The following RSRP1 variants were observed in gnomAD, a reference collection of about 807,000 sequenced individuals.
RSRP1 encodes arginine/serine-rich protein 1.
Under a neutral mutation model 33.0 loss-of-function variants are expected in RSRP1, and 37 were observed. That is an observed-to-expected ratio of 1.12 (90% CI 0.86 to 1.48). The LOEUF (loss-of-function observed/expected upper bound fraction) is 1.48. RSRP1 is among the 40% of genes most tolerant of loss of function. RSRP1 has a pLI of 0.00. For missense variants in RSRP1, 402 were observed against 385.3 expected (o/e 1.04, Z -0.36); for synonymous variants, 167 against 158.7 (o/e 1.05, Z -0.40).
At chr1:25,318,413 C>T (rs1288892086) in intron 1 of RSRP1, 1 of 131,540 alleles carries the variant, frequency 7.6e-6, no homozygotes, top group Non-Finnish European at 1.8e-5. Flanking sequence ...CATGGCAAAA[C>T]CCTGTCTCTA....
In RSRP1 at chr1:25,331,643, C is replaced by G. The variant is rs1451626584; in HGVS notation, c.-67+6335G>C. 4.3e-5 allele frequency among the ~76,000 whole-genome samples: 5 copies of G among 115,858 alleles called. 1 individual carries two copies. Among genetic ancestry groups the G allele is most frequent in the Non-Finnish European group, 8.2e-5 (4 of 49,072 alleles). The allele number at this position is 115,858 out of a possible 152,430, so 76.0% of individuals were successfully genotyped here. A position where few individuals can be genotyped will look rare whatever the true frequency, so the allele number is the denominator to read the frequency against. Reference sequence around the variant, plus strand: ...AGTGCAGTGGTGCAATCTCGGCTCACTGAAACCTCCGCCTCCCAGGTTCAC... The same window carrying G: ...AGTGCAGTGGTGCAATCTCGGCTCAGTGAAACCTCCGCCTCCCAGGTTCAC... On this transcript the variant is annotated intron_variant, in intron 1 of 1. Transcript: ENST00000561867.
At chr1:25,280,603 GC>G (rs1441646869) in intron 1 of RSRP1, among the ~76,000 whole-genome samples, 1 of 77,128 alleles carries the variant, frequency 1.3e-5, no homozygotes, top group African/African-American at 3.6e-5. Flanking sequence ...ACTGTGCCTG[GC>G]CTTTTTTTTT....
rs559044242 is a variant in RSRP1, at chr1:25,309,986, C to A, written c.-67+27992G>T. Among the ~76,000 whole-genome samples the A allele has an allele frequency of 7.6e-5, 10 of 132,280 alleles. 1 individual carries two copies. In the South Asian group the frequency reaches 9.3e-4, roughly 12 times the overall value. 86.8% of individuals were successfully genotyped at this position (132,280 alleles called of 152,430 possible). On this transcript the variant is annotated intron_variant, in intron 1 of 1. Coordinates refer to the RSRP1 transcript ENST00000561867. ...TTCTGCCACTTATTACTTAAAAAAA[C>A]CCCAAAAAACCCAACTTATATAGTA...
At chr1:25,244,538 T>A in intron 3 of RSRP1, 1 of 1,289,158 alleles carries the variant, frequency 7.8e-7, no homozygotes, top group Middle Eastern at 2.1e-4. Flanking sequence ...ATACTGTATA[T>A]GCTGAGTACA....
At position 25,279,220 on chromosome 1, in the gene RSRP1, G is replaced by A. The variant is rs573432714; in HGVS notation, c.-66-32191C>T. On this transcript the variant is annotated intron_variant, in intron 1 of 1. Coordinates refer to the RSRP1 transcript ENST00000561867. ...GCCTAAAGTCACACCGCTAATCAGCGGCCGGCACGGGGTAACAGTTACTAA... is the reference window on the plus strand; with the variant it reads ...GCCTAAAGTCACACCGCTAATCAGCAGCCGGCACGGGGTAACAGTTACTAA... 9.3e-4 allele frequency among the ~76,000 whole-genome samples: 117 copies of A among 126,224 alleles called. 14 individuals are homozygous for A. Among genetic ancestry groups the A allele is most frequent in the East Asian group, 5.4e-3 (27 of 5,026 alleles). The allele number at this position is 126,224 out of a possible 152,430, so 82.8% of individuals were successfully genotyped here. A position where few individuals can be genotyped will look rare whatever the true frequency, so the allele number is the denominator to read the frequency against.
intron 1 of RSRP1, among the ~76,000 whole-genome samples, chr1:25,333,648 G>A (rs1216454708): frequency 7.6e-6 from 1 of 131,614 alleles, no homozygotes; most frequent in Non-Finnish European, 1.8e-5. Flanking sequence ...CATTGTATTA[G>A]TCTGTTCACA....
chr1:25,246,842 C>G lies in RSRP1; in HGVS notation c.122G>C (p.Arg41Thr). The G allele has an allele frequency of 3.1e-6, 5 of 1,613,066 alleles. No individual in the cohort carries two copies. The highest frequency in any genetic ancestry group is 4.2e-6 in the Non-Finnish European group (5 of 1,179,668). The change falls in exon 2 of 5, where the codon AGA (arginine) becomes ACA (threonine). Residue 41 changes from arginine to threonine, a missense_variant. Arg to Thr is a moderately conservative substitution (Grantham distance 71, BLOSUM62 -1). Coordinates refer to ENST00000243189, the MANE Select transcript of RSRP1 (RefSeq NM_020317.5). ...GACGCGGGAATGGGACCGAGAGCTT[C>G]TGGAAAAAGAGCGGCTCCTAGACCG... ...SSRSRSRSFS[R>T]SSRSHSRVSS...
chr1:25,249,391 G>A (rs1203200926), upstream of RSRP1, among the ~76,000 whole-genome samples: 2 of 152,096 alleles, frequency 1.3e-5, no homozygotes, highest in African/African-American at 4.8e-5. Flanking sequence ...AGGCTGGAAT[G>A]CAGTGGTGTG....
intron 1 of RSRP1, among the ~76,000 whole-genome samples, chr1:25,285,376 C>T (rs544367552): frequency 3.0e-5 from 4 of 134,606 alleles, no homozygotes; most frequent in South Asian, 2.2e-4. Flanking sequence ...TCAGGTGATC[C>T]GCCCGCCTCG....
At position 25,287,310 on chromosome 1, in the gene RSRP1, C is replaced by T. The variant is rs1270127865; in HGVS notation, c.-66-40281G>A. On this transcript the variant is annotated intron_variant, in intron 1 of 1. Coordinates refer to the RSRP1 transcript ENST00000561867. ...CCTGCCCCACAGTCTAGGGCTGCTC[C>T]CCTCATCTGATGTCCACAGGGACCT... is the stretch of plus-strand genomic sequence containing the variant. 9.7e-5 allele frequency among the ~76,000 whole-genome samples: 13 copies of T among 133,860 alleles called. 1 individual carries two copies. The highest frequency in any genetic ancestry group is 3.3e-4 in the African/African-American group (13 of 39,036). The allele number at this position is 133,860 out of a possible 152,430, so 87.8% of individuals were successfully genotyped here.
At chr1:25,280,005 A>T (rs2124605262) in intron 1 of RSRP1, among the ~76,000 whole-genome samples, 1 of 129,370 alleles carries the variant, frequency 7.7e-6, no homozygotes, top group East Asian at 2.0e-4. Context: ...CAGATAATGG[A>T]TGGGTGGAAA....
rs1318757977 is a variant in RSRP1 at position 25,246,882 on chromosome 1, T to C, written c.82A>G (p.Ser28Gly). 1 of 1,607,192 alleles carries C rather than the reference T, an allele frequency of 6.2e-7. No individual in the cohort carries two copies. The highest frequency in any genetic ancestry group is 8.5e-7 in the Non-Finnish European group (1 of 1,175,190). ...CTCCTAGACCGCGACGACAGCCGGCTGGACCCGCCCGACCGCGAGGTCGAG... is the reference window on the plus strand; with the variant it reads ...CTCCTAGACCGCGACGACAGCCGGCCGGACCCGCCCGACCGCGAGGTCGAG... ...SPSTSRSGGS[S>G]RLSSRSRSRS... The change falls in exon 2 of 5, where the codon AGC (serine) becomes GGC (glycine). Residue 28 changes from serine (S) to glycine (G), a missense_variant. Transcript: ENST00000243189.
chr1:25,278,612 G>A (rs1302729000), intron 1 of RSRP1, among the ~76,000 whole-genome samples: 2 of 130,668 alleles, frequency 1.5e-5, no homozygotes, highest in East Asian at 2.0e-4. Flanking sequence ...TGTAACAATC[G>A]CCTACCAGGC....
At chr1:25,295,871 T>C (rs1333553281) in intron 1 of RSRP1, among the ~76,000 whole-genome samples, 1 of 105,860 alleles carries the variant, frequency 9.4e-6, no homozygotes, top group Non-Finnish European at 2.3e-5. Context: ...TTTTTTTTTT[T>C]TTTTTTTTGA....
chr1:25,307,737 C>T lies in RSRP1; in HGVS notation c.-67+30241G>A, dbSNP rs1252934538. ...ACGTGTCTCAGAGAAATCATGGAGGCGCTGCGGTTCCTACCGGTTCTTGGA... is the reference window on the plus strand; with the variant it reads ...ACGTGTCTCAGAGAAATCATGGAGGTGCTGCGGTTCCTACCGGTTCTTGGA... On this transcript the variant is annotated intron_variant, in intron 1 of 1. Transcript: ENST00000561867. 234 of 1,307,138 alleles carry T rather than the reference C, an allele frequency of 1.8e-4. 66 individuals are homozygous for T. The highest frequency in any genetic ancestry group is 2.3e-4 in the Non-Finnish European group (217 of 949,318). 81.0% of individuals were successfully genotyped at this position (1,307,138 alleles called of 1,614,324 possible). A position where few individuals can be genotyped will look rare whatever the true frequency, so the allele number is the denominator to read the frequency against.
chr1:25,300,965 T>C (rs773679972), intron 1 of RSRP1: 1 of 1,378,726 alleles, frequency 7.3e-7, no homozygotes, highest in South Asian at 1.2e-5. Flanking sequence ...CACATGAACA[T>C]GATGCACATC....
intron 3 of RSRP1, chr1:25,244,915 C>G (rs1309850824): frequency 3.0e-5 from 41 of 1,359,372 alleles, no homozygotes; most frequent in Non-Finnish European, 3.8e-5. Flanking sequence ...AACTCCTGGA[C>G]TCAAGCCATC....
At position 25,306,597 on chromosome 1, in the gene RSRP1, G is replaced by T. The variant is rs200762372; in HGVS notation, c.-67+31381C>A. On this transcript the variant is annotated intron_variant, in intron 1 of 1. Transcript: ENST00000561867. The stretch of plus-strand genomic sequence containing the variant: ...GCTTATAATAACACTTGTCCACAGG[G>T]GTGTTGTAACCGAGTGCTGGGGATT... 9.4e-5 allele frequency: 130 copies of T among 1,377,596 alleles called. 28 individuals carry two copies. Among genetic ancestry groups the T allele is most frequent in the African/African-American group, 6.7e-4 (47 of 69,964 alleles). The allele number at this position is 1,377,596 out of a possible 1,614,324, so 85.3% of individuals were successfully genotyped here. A position where few individuals can be genotyped will look rare whatever the true frequency, so the allele number is the denominator to read the frequency against.
chr1:25,316,637 G>A (rs1426978139), intron 1 of RSRP1, among the ~76,000 whole-genome samples: 1 of 117,532 alleles, frequency 8.5e-6, no homozygotes, highest in Admixed American at 8.3e-5. Context: ...AAAAAAAAAA[G>A]AGAGAGAGAG....
Sources: allele counts gnomAD v4.1 joint callset (sites outside exome capture counted in the v4.1 genomes callset), GRCh38; gene constraint gnomAD v4.1.1; transcripts MANE v1.5; gene names NCBI Gene and HGNC (gene_info 2026-07-23, HGNC 2026-07-21).